The following DPP6 variants were observed in gnomAD, a reference collection of about 807,000 sequenced individuals.
DPP6 encodes the protein dipeptidyl peptidase like 6, also known as A-type potassium channel modulatory protein DPP6.
A neutral mutation model predicts 122.6 loss-of-function variants in DPP6; 69 were observed. The observed-to-expected ratio is 0.56, with a 90% confidence interval of 0.46 to 0.69. DPP6 has a LOEUF of 0.69. Among genes scored for constraint, DPP6 ranks in the 30% least tolerant of loss-of-function variants. The pLI is 0.00. For missense variants in DPP6, 928 were observed against 1,116.9 expected (o/e 0.83, Z 2.41); for synonymous variants, 418 against 433.1 (o/e 0.97, Z 0.43).
intron 7 of DPP6, among the ~76,000 whole-genome samples, chr7:154,720,080 A>T (rs1386558900): frequency 6.6e-6 from 1 of 152,180 alleles, no homozygotes; most frequent in Non-Finnish European, 1.5e-5. Context: ...TCTGTGACGG[A>T]GAGAGATTGT....
intron 8 of DPP6, among the ~76,000 whole-genome samples, chr7:154,745,662 C>T (rs1284458672): frequency 6.6e-6 from 1 of 152,242 alleles, no homozygotes; most frequent in Non-Finnish European, 1.5e-5. Context: ...AGGCCTCAGG[C>T]TGCTTCTACT....
At chr7:154,402,907 G>T (rs1815762087) in intron 1 of DPP6, among the ~76,000 whole-genome samples, 1 of 152,154 alleles carries the variant, frequency 6.6e-6, no homozygotes, top group Non-Finnish European at 1.5e-5. Flanking sequence ...GAAAAGATTT[G>T]CATGTGACAA....
chr7:154,685,106 G>A (rs1426874426), intron 7 of DPP6, among the ~76,000 whole-genome samples: 1 of 152,236 alleles, frequency 6.6e-6, no homozygotes, highest in African/African-American at 2.4e-5. Context: ...CTGCCCTGCT[G>A]AATCCTATCT....
intron 7 of DPP6, among the ~76,000 whole-genome samples, chr7:154,718,027 C>T (rs1056235466): frequency 1.3e-5 from 2 of 152,128 alleles, no homozygotes; most frequent in Admixed American, 6.5e-5. Context: ...TTCTCCTAGA[C>T]CTGTTTGCCA....
intron 5 of DPP6, among the ~76,000 whole-genome samples, chr7:154,569,663 A>C (rs1049632250): frequency 6.6e-6 from 1 of 151,736 alleles, no homozygotes; most frequent in Non-Finnish European, 1.5e-5. Flanking sequence ...ATTACTAGAT[A>C]TCTGTCATTT....
intron 17 of DPP6, among the ~76,000 whole-genome samples, chr7:154,862,449 C>T (rs546232177): frequency 5.9e-5 from 9 of 152,222 alleles, no homozygotes; most frequent in Non-Finnish European, 1.2e-4. Context: ...GCTGTTGGAA[C>T]GTGTTAGACT....
chr7:154,797,480 T>G (rs1798113074), intron 12 of DPP6, among the ~76,000 whole-genome samples: 1 of 152,214 alleles, frequency 6.6e-6, no homozygotes, highest in Non-Finnish European at 1.5e-5. Flanking sequence ...TGTCTGTTGA[T>G]GGACATTTGG....
At chr7:154,255,900 T>G (rs1373882979) in intron 1 of DPP6, among the ~76,000 whole-genome samples, 1 of 152,202 alleles carries the variant, frequency 6.6e-6, no homozygotes, top group Non-Finnish European at 1.5e-5. Flanking sequence ...TACTCACCCC[T>G]CTTAACTTCT....
chr7:154,500,836 G>C (rs1458843371), intron 3 of DPP6, among the ~76,000 whole-genome samples: 1 of 152,184 alleles, frequency 6.6e-6, no homozygotes, highest in Non-Finnish European at 1.5e-5. Flanking sequence ...TTTGGAACTG[G>C]GTAACAGGCA....
At chr7:154,315,619 TG>T (rs1397256949) in intron 1 of DPP6, among the ~76,000 whole-genome samples, 2 of 152,112 alleles carry the variant, frequency 1.3e-5, no homozygotes, top group Non-Finnish European at 2.9e-5. Flanking sequence ...CCATCACCTC[TG>T]GGGGGCTGTG....
intron 1 of DPP6, among the ~76,000 whole-genome samples, chr7:154,249,982 A>G (rs6464392): frequency 0.76 from 115,089 of 152,038 alleles, 44,753 homozygotes; most frequent in African/African-American, 0.94. Flanking sequence ...GTTAAAAATC[A>G]ACCCCTGACC....
upstream of DPP6, among the ~76,000 whole-genome samples, chr7:154,051,383 C>T (rs1257805405): frequency 6.7e-6 from 1 of 148,832 alleles, no homozygotes; most frequent in East Asian, 2.0e-4. Context: ...GAGAGAGACG[C>T]GTGCCCAGCA....
At chr7:154,660,172 G>A (rs1227602570) in intron 6 of DPP6, among the ~76,000 whole-genome samples, 4 of 152,374 alleles carry the variant, frequency 2.6e-5, no homozygotes, top group Non-Finnish European at 4.4e-5. Context: ...AATCACCATC[G>A]CATATTGGCC....
intron 1 of DPP6, among the ~76,000 whole-genome samples, chr7:154,237,309 A>T (rs1431770311): frequency 1.3e-5 from 2 of 152,190 alleles, no homozygotes; most frequent in Non-Finnish European, 2.9e-5. Context: ...ATGAAGGGGG[A>T]ATGAACCAAA....
intron 10 of DPP6, among the ~76,000 whole-genome samples, chr7:154,779,477 A>G (rs530513127): frequency 6.6e-6 from 1 of 152,130 alleles, no homozygotes; most frequent in Non-Finnish European, 1.5e-5. Flanking sequence ...AACCTGTCAC[A>G]TTTACAATGA....
the DPP6 span, among the ~76,000 whole-genome samples, chr7:153,792,660 C>T: frequency 6.8e-6 from 1 of 146,236 alleles, no homozygotes; most frequent in Non-Finnish European, 1.5e-5. Context: ...TAAAGTTGTT[C>T]TTTTTTTTTT....
chr7:153,826,863 CAT>C, the DPP6 span, among the ~76,000 whole-genome samples: 5 of 151,620 alleles, frequency 3.3e-5, no homozygotes, highest in Non-Finnish European at 5.9e-5. Context: ...TGCACACACA[CAT>C]ATATATGCAT....
At chr7:154,633,058 C>T (rs1219015600) in intron 5 of DPP6, among the ~76,000 whole-genome samples, 1 of 151,884 alleles carries the variant, frequency 6.6e-6, no homozygotes, top group Admixed American at 6.6e-5. Flanking sequence ...ATTCATTTTC[C>T]AGGAGAGATA....
chr7:154,466,317 C>T (rs148272795), intron 2 of DPP6, among the ~76,000 whole-genome samples: 2 of 152,110 alleles, frequency 1.3e-5, no homozygotes, highest in African/African-American at 2.4e-5. Context: ...AACACACCTG[C>T]ACATTCTGCA....
Sources: gnomAD v4.1 joint callset for allele counts (sites outside exome capture counted in the v4.1 genomes callset) on GRCh38, gnomAD v4.1.1 for gene constraint, MANE v1.5 for transcripts, NCBI Gene and HGNC (gene_info 2026-07-23, HGNC 2026-07-21) for gene names.